APBB2: variants seen among roughly 807,000 people sequenced by gnomAD.
APBB2 encodes the protein amyloid beta precursor protein binding family B member 2.
APBB2 carries 38 observed loss-of-function variants against 82.5 expected under a neutral mutation model. The observed-to-expected ratio is 0.46, with a 90% CI of 0.36 to 0.60. APBB2 has a LOEUF of 0.60. APBB2 is among the 20% of genes least tolerant of loss of function. The pLI is 0.00. For synonymous variants in APBB2, 341 were observed against 368.2 expected (o/e 0.93, Z 0.85); for missense variants, 772 against 972.3 (o/e 0.79, Z 2.74).
rs552849118 is a variant in APBB2 at position 41,101,742 on chromosome 4, G to A, written c.-260-992C>T. Among the ~76,000 whole-genome samples, 186 of 151,934 alleles carry A rather than the reference G, an allele frequency of 1.2e-3. 1 individual carries two copies. The highest frequency in any genetic ancestry group is 4.1e-3 in the African/African-American group (168 of 41,462). ...TGGGAGGCCCAGGCGGGCGGATCAC[G>A]ACGTCAGGAGTTCAAGACTAGCCTG... On this transcript the variant is annotated intron_variant, in intron 2 of 17. Coordinates refer to ENST00000508593, the MANE Select transcript of APBB2 (RefSeq NM_004307.2).
Position 40,815,813 on chromosome 4 carries a change from G to A in APBB2, c.*279C>T, listed in dbSNP as rs1577624875. On this transcript the variant is annotated 3_prime_UTR_variant, in exon 18 of 18. Transcript: ENST00000508593. ...TGGGGCCACACTCTTCTCTGTGTGT[G>A]TGTGAAGTTAAGTAATGTTCACAAT... 6 of 347,810 alleles carry A rather than the reference G, an allele frequency of 1.7e-5. No homozygotes were observed. The highest frequency in any genetic ancestry group is 4.1e-5 in the African/African-American group (2 of 49,310). The allele number at this position is 347,810 out of a possible 1,614,324, so 21.5% of individuals were successfully genotyped here.
intron 3 of APBB2, among the ~76,000 whole-genome samples, chr4:41,087,718 T>G (rs1369080367): frequency 6.6e-6 from 1 of 152,116 alleles, no homozygotes; most frequent in Non-Finnish European, 1.5e-5. Flanking sequence ...TGTGAGCCAC[T>G]GTGGCCAGCC....
chr4:41,178,547 T>A (rs1770449643), intron 1 of APBB2, among the ~76,000 whole-genome samples: 1 of 152,338 alleles, frequency 6.6e-6, no homozygotes, highest in East Asian at 1.9e-4. Context: ...CCACCATCTA[T>A]CACAGTGCAT....
At chr4:40,859,287 A>ATTTTTT (rs34512213) in intron 12 of APBB2, among the ~76,000 whole-genome samples, 1 of 141,934 alleles carries the variant, frequency 7.0e-6, no homozygotes, top group African/African-American at 2.6e-5. Context: ...GGCTGCTGTC[A>ATTTTTT]TTTTTTTTTT....
intron 2 of APBB2, among the ~76,000 whole-genome samples, chr4:41,119,454 G>A (rs1438079168): frequency 6.7e-6 from 1 of 148,884 alleles, no homozygotes; most frequent in Non-Finnish European, 1.5e-5. Context: ...ACCCAGGAAG[G>A]AATTTACCAC....
intron 4 of APBB2, among the ~76,000 whole-genome samples, chr4:41,054,299 G>A (rs1173800382): frequency 6.6e-6 from 1 of 152,186 alleles, no homozygotes; most frequent in African/African-American, 2.4e-5. Context: ...CATCCCAGTG[G>A]ACTTATTCTC....
Position 40,913,578 on chromosome 4 carries a change from T to C in APBB2, c.1255-20167A>G, listed in dbSNP as rs937008676. Among the ~76,000 whole-genome samples the C allele has an allele frequency of 1.6e-4, 24 of 152,316 alleles. 1 individual carries two copies. Among genetic ancestry groups the C allele is most frequent in the Non-Finnish European group, 1.5e-5 (1 of 68,018 alleles). Reference sequence around the variant, plus strand: ...AGTTTATTTGTAACCCCAAAGTCCATACTCCTGGTGCTTTTGCGGTCATTT... The same window carrying C: ...AGTTTATTTGTAACCCCAAAGTCCACACTCCTGGTGCTTTTGCGGTCATTT... On this transcript the variant is annotated intron_variant, in intron 10 of 17. Transcript: ENST00000508593.
intron 6 of APBB2, among the ~76,000 whole-genome samples, chr4:40,960,519 C>T (rs1404995905): frequency 1.4e-5 from 2 of 140,062 alleles, no homozygotes; most frequent in East Asian, 2.2e-4. Context: ...GTGATCTCGG[C>T]TCACTGCAAG....
At chr4:40,987,971 T>C (rs1800848961) in intron 6 of APBB2, among the ~76,000 whole-genome samples, 1 of 152,202 alleles carries the variant, frequency 6.6e-6, no homozygotes, top group Non-Finnish European at 1.5e-5. Flanking sequence ...ACATTAGTGT[T>C]CACCAGATAA....
At chr4:41,060,059 A>G (rs1729272457) in intron 4 of APBB2, among the ~76,000 whole-genome samples, 1 of 152,184 alleles carries the variant, frequency 6.6e-6, no homozygotes, top group Admixed American at 6.5e-5. Context: ...AACTGAGGAA[A>G]ATGAGAAAGT....
intron 4 of APBB2, among the ~76,000 whole-genome samples, chr4:41,050,884 T>C (rs1338293376): frequency 6.6e-6 from 1 of 151,820 alleles, no homozygotes; most frequent in Non-Finnish European, 1.5e-5. Flanking sequence ...AGCTGGGACC[T>C]GCATTTAGAA....
chr4:41,138,916 A>C (rs974204901), intron 2 of APBB2, among the ~76,000 whole-genome samples: 3 of 152,206 alleles, frequency 2.0e-5, no homozygotes, highest in Non-Finnish European at 4.4e-5. Flanking sequence ...TTATACAGAA[A>C]CCAACTGCAT....
At chr4:40,882,337 G>C (rs1215010715) in intron 12 of APBB2, among the ~76,000 whole-genome samples, 1 of 152,160 alleles carries the variant, frequency 6.6e-6, no homozygotes, top group African/African-American at 2.4e-5. Flanking sequence ...TCGGACTGCA[G>C]AGGAAGAGAC....
At chr4:40,886,088 G>A (rs750978805) in intron 12 of APBB2, among the ~76,000 whole-genome samples, 6 of 152,186 alleles carry the variant, frequency 3.9e-5, no homozygotes, top group Non-Finnish European at 5.9e-5. Context: ...GCTCATTGGC[G>A]AAGTACACAA....
In APBB2 at chr4:41,200,935, G is replaced by T. The variant is rs1479880735; in HGVS notation, c.-417+13470C>A. ...AGTGCTTTCTCCTTTGCAAATTCTGGCCCCTTAATCTTCATCTAGTGCAAC... is the reference window on the plus strand; with the variant it reads ...AGTGCTTTCTCCTTTGCAAATTCTGTCCCCTTAATCTTCATCTAGTGCAAC... On this transcript the variant is annotated intron_variant, in intron 1 of 17. Transcript: ENST00000508593. Among the ~76,000 whole-genome samples, 3 of 152,040 alleles carry T rather than the reference G, an allele frequency of 2.0e-5. No individual in the cohort carries two copies. In the East Asian group the frequency reaches 5.8e-4, roughly 29 times the overall value.
chr4:41,048,774 C>T (rs1021060587), intron 4 of APBB2, among the ~76,000 whole-genome samples: 3 of 152,018 alleles, frequency 2.0e-5, no homozygotes, highest in Non-Finnish European at 4.4e-5. Flanking sequence ...ACCTCCCTGC[C>T]TGATTCTCCT....
intron 6 of APBB2, among the ~76,000 whole-genome samples, chr4:40,974,805 C>T (rs998773395): frequency 1.3e-5 from 2 of 152,212 alleles, no homozygotes; most frequent in Non-Finnish European, 2.9e-5. Context: ...CTTTAAGGAA[C>T]TCACATTTCT....
At position 40,841,427 on chromosome 4, in the gene APBB2, C is replaced by G. The variant is rs1050330636; in HGVS notation, c.1530-10850G>C. Among the ~76,000 whole-genome samples, 4 of 152,230 alleles carry G rather than the reference C, an allele frequency of 2.6e-5. No homozygotes were observed. In the East Asian group the frequency reaches 7.7e-4, roughly 29 times the overall value. ...TATGGAATCATGGAGCTTAAAGTCCCCAATCAATCAAACGGGCAGGCGGAC... is the reference window on the plus strand; with the variant it reads ...TATGGAATCATGGAGCTTAAAGTCCGCAATCAATCAAACGGGCAGGCGGAC... On this transcript the variant is annotated intron_variant, in intron 12 of 17. Transcript: ENST00000508593.
intron 6 of APBB2, among the ~76,000 whole-genome samples, chr4:40,956,995 G>T (rs1791806996): frequency 6.6e-6 from 1 of 152,156 alleles, no homozygotes; most frequent in Non-Finnish European, 1.5e-5. Context: ...CAACAGCCTG[G>T]AATTGAATCT....
Sources: allele counts gnomAD v4.1 joint callset (sites outside exome capture counted in the v4.1 genomes callset), GRCh38; gene constraint gnomAD v4.1.1; transcripts MANE v1.5; gene names NCBI Gene and HGNC (gene_info 2026-07-23, HGNC 2026-07-21).